AGTPBP1: variants seen among roughly 807,000 people sequenced by gnomAD.
AGTPBP1 encodes ATP/GTP binding carboxypeptidase 1.
A neutral mutation model predicts 143.9 loss-of-function variants in AGTPBP1; 70 were observed. The ratio of observed to expected loss-of-function variants is 0.49; its 90% CI spans 0.40 to 0.59. The LOEUF is 0.59. Among genes scored for constraint, AGTPBP1 ranks in the 20% least tolerant of loss-of-function variants. The pLI, the probability that AGTPBP1 is intolerant of heterozygous loss-of-function variation, is 0.00. For missense variants in AGTPBP1, 1,229 were observed against 1,464.5 expected, an observed-to-expected ratio of 0.84 and a Z score of 2.62; for synonymous variants, 463 against 500.2, an observed-to-expected ratio of 0.93 and a Z score of 0.99.
the AGTPBP1 span, among the ~76,000 whole-genome samples, chr9:85,771,166 A>G: frequency 6.6e-6 from 1 of 152,248 alleles, no homozygotes; most frequent in Non-Finnish European, 1.5e-5. Context: ...TTATGGGAAT[A>G]TCAGACAATC....
At chr9:85,696,646 G>A (rs1363032184) in intron 2 of AGTPBP1, among the ~76,000 whole-genome samples, 1 of 150,928 alleles carries the variant, frequency 6.6e-6, no homozygotes, top group Non-Finnish European at 1.5e-5. Context: ...CAAACTGGGT[G>A]ACAGAGCAAG....
At chr9:85,723,491 C>T (rs1338480368) in intron 1 of AGTPBP1, among the ~76,000 whole-genome samples, 4 of 152,204 alleles carry the variant, frequency 2.6e-5, no homozygotes, top group South Asian at 2.1e-4. Flanking sequence ...GGCGTGAGAC[C>T]TGCTGAGCCA....
At chr9:85,793,088 T>G in the AGTPBP1 span, among the ~76,000 whole-genome samples, 1 of 152,196 alleles carries the variant, frequency 6.6e-6, no homozygotes, top group Non-Finnish European at 1.5e-5. Context: ...AATCTATTTT[T>G]ATAGCCATAG....
intron 8 of AGTPBP1, among the ~76,000 whole-genome samples, 170 bp from the exon 9 acceptor site, chr9:85,661,143 C>T (rs1308256373): frequency 2.0e-5 from 3 of 151,870 alleles, no homozygotes; most frequent in Non-Finnish European, 4.4e-5. Context: ...TCTCTCTCTT[C>T]AGCTTAAAAT....
chr9:85,748,793 T>G, the AGTPBP1 span, among the ~76,000 whole-genome samples: 6 of 152,202 alleles, frequency 3.9e-5, no homozygotes, highest in Admixed American at 3.9e-4. Flanking sequence ...TCTTCCAATG[T>G]GAAGATCAGG....
intron 1 of AGTPBP1, among the ~76,000 whole-genome samples, chr9:85,724,162 T>C (rs1337400040): frequency 9.9e-5 from 15 of 151,678 alleles, no homozygotes; most frequent in Admixed American, 5.9e-4. Flanking sequence ...TGGTGAGTAC[T>C]TGTAATCCAA....
intron 14 of AGTPBP1, among the ~76,000 whole-genome samples, chr9:85,631,365 C>T (rs943826028): frequency 1.1e-4 from 16 of 152,252 alleles, no homozygotes; most frequent in African/African-American, 3.9e-4. Flanking sequence ...GTATGCACTG[C>T]ATGCTGCAAG....
the AGTPBP1 span, among the ~76,000 whole-genome samples, chr9:85,766,231 T>A: frequency 3.9e-5 from 6 of 152,170 alleles, no homozygotes; most frequent in Non-Finnish European, 8.8e-5. Flanking sequence ...TGAAGGACAC[T>A]GAAAATCAAG....
intron 1 of AGTPBP1, among the ~76,000 whole-genome samples, chr9:85,734,618 T>C (rs1393693388): frequency 3.9e-5 from 6 of 152,210 alleles, no homozygotes; most frequent in Non-Finnish European, 8.8e-5. Flanking sequence ...ATAGTAAGTG[T>C]TGATGTGCAT....
In AGTPBP1 at chr9:85,619,000, T is replaced by C; in HGVS notation, c.2318A>G (p.Asn773Ser). Residue 773 changes from asparagine to serine, a missense_variant, in exon 17 of 26, where the codon AAC (asparagine) becomes AGC (serine). This residue lies in a region of AGTPBP1 where 486 missense variants were observed against 652.3 expected (regional missense o/e 0.75). Coordinates refer to ENST00000357081, the MANE Select transcript of AGTPBP1 (RefSeq NM_001330701.2). ...TGTCTTACCATAATTAAACTGACTG[T>C]TGGACTTTTCACAGTTAATGATGTT... ...RFNIINCEKSNSQFNYGMQPL... is the reference protein window; with the variant it reads ...RFNIINCEKSSSQFNYGMQPL... 1 of 1,613,406 alleles carries C rather than the reference T, an allele frequency of 6.2e-7. No individual in the cohort carries two copies. The highest frequency in any genetic ancestry group is 8.5e-7 in the Non-Finnish European group (1 of 1,179,700).
At chr9:85,621,491 A>G (rs1004346839) in intron 14 of AGTPBP1, among the ~76,000 whole-genome samples, 2 of 152,070 alleles carry the variant, frequency 1.3e-5, no homozygotes, top group East Asian at 3.9e-4. Context: ...TCTAGAAAAT[A>G]TCCACGTAGA....
At chr9:85,677,702 T>A in intron 5 of AGTPBP1, 120 bp from the exon 6 acceptor site, 1 of 848,046 alleles carries the variant, frequency 1.2e-6, no homozygotes, top group East Asian at 3.0e-5. Flanking sequence ...ACTGATGACC[T>A]CTAAAATCAA....
At chr9:85,605,103 C>G (rs752421715) in intron 17 of AGTPBP1, among the ~76,000 whole-genome samples, 7 of 152,042 alleles carry the variant, frequency 4.6e-5, no homozygotes, top group Non-Finnish European at 1.5e-5. Flanking sequence ...ACTTTCCAAA[C>G]CTAGAGAAAG....
intron 13 of AGTPBP1, among the ~76,000 whole-genome samples, chr9:85,640,008 A>T (rs1832362690): frequency 6.6e-6 from 1 of 152,236 alleles, no homozygotes; most frequent in Non-Finnish European, 1.5e-5. Context: ...TGAAACAAAC[A>T]CATAAAGTAA....
intron 25 of AGTPBP1, among the ~76,000 whole-genome samples, chr9:85,562,267 A>C (rs1268083468): frequency 6.6e-6 from 1 of 152,192 alleles, no homozygotes; most frequent in East Asian, 1.9e-4. Context: ...ACAAATAGAA[A>C]GCAAATAATA....
chr9:85,650,522 T>C (rs1424641645), intron 11 of AGTPBP1, among the ~76,000 whole-genome samples: 4 of 152,206 alleles, frequency 2.6e-5, no homozygotes, highest in Non-Finnish European at 5.9e-5. Context: ...ATAAAAAATA[T>C]GTATTAACTG....
chr9:85,592,766 A>C, intron 18 of AGTPBP1, 62 bp from the exon 19 acceptor site: 1 of 1,563,524 alleles, frequency 6.4e-7, no homozygotes, highest in East Asian at 2.3e-5. Context: ...TTTCCTTGTT[A>C]CTTTTATTAA....
At chr9:85,723,274 G>T (rs1838250700) in intron 1 of AGTPBP1, among the ~76,000 whole-genome samples, 1 of 152,244 alleles carries the variant, frequency 6.6e-6, no homozygotes, top group African/African-American at 2.4e-5. Context: ...GGTAGGCACT[G>T]CCCAGAAGTG....
At chr9:85,647,065 G>C (rs1832857606) in intron 11 of AGTPBP1, among the ~76,000 whole-genome samples, 1 of 152,190 alleles carries the variant, frequency 6.6e-6, no homozygotes, top group Admixed American at 6.5e-5. Flanking sequence ...ATCAGCTGAG[G>C]TTGGGAGTTC....
Sources: allele counts gnomAD v4.1 joint callset (sites outside exome capture counted in the v4.1 genomes callset), GRCh38; gene constraint gnomAD v4.1.1; regional missense constraint gnomAD v4.1.1; transcripts MANE v1.5; gene names NCBI Gene and HGNC (gene_info 2026-07-23, HGNC 2026-07-21).